Variants in FCER1A observed in about 807,000 individuals in gnomAD.
FCER1A encodes the protein Fc epsilon receptor Ia, also known as high affinity immunoglobulin epsilon receptor subunit alpha.
In FCER1A, 24 loss-of-function variants were observed where a neutral mutation model predicts 23.6. That is an observed-to-expected ratio of 1.02 (90% CI 0.74 to 1.43). FCER1A has a LOEUF of 1.43. Ranked by LOEUF, FCER1A falls within the 40% of genes most tolerant of loss-of-function variation. FCER1A has a pLI of 0.00. For synonymous variants in FCER1A, 121 were observed against 108.8 expected, an observed-to-expected ratio of 1.11 and a Z score of -0.70; for missense variants, 318 against 294.5, an observed-to-expected ratio of 1.08 and a Z score of -0.58.
At chr1:159,302,272 C>A (rs539540020), upstream of FCER1A, 41 of 890,260 alleles carry the variant, frequency 4.6e-5, no homozygotes, top group East Asian at 9.2e-4. Context: ...AGATATGATA[C>A]AGAAAACATT....
upstream of FCER1A, among the ~76,000 whole-genome samples, chr1:159,297,548 G>C (rs542644147): frequency 2.0e-5 from 3 of 152,268 alleles, no homozygotes; most frequent in East Asian, 1.9e-4. Flanking sequence ...CCTTAAGGTA[G>C]GTACTATTAC....
chr1:159,287,834 G>A (rs1330961295), upstream of FCER1A, among the ~76,000 whole-genome samples: 3 of 150,614 alleles, frequency 2.0e-5, no homozygotes, highest in Non-Finnish European at 3.0e-5. Context: ...AGGAAGGAAA[G>A]GATGATTTAT....
At chr1:159,289,408 A>G (rs140805442), upstream of FCER1A, among the ~76,000 whole-genome samples, 21 of 152,354 alleles carry the variant, frequency 1.4e-4, no homozygotes, top group African/African-American at 4.8e-4. Flanking sequence ...TTGGGCCTGC[A>G]GAGGACCTTA....
chr1:159,291,476 G>T (rs977958221), intron 1 of FCER1A, among the ~76,000 whole-genome samples: 1 of 152,026 alleles, frequency 6.6e-6, no homozygotes, highest in Admixed American at 6.6e-5. Flanking sequence ...TTTGCAGAAT[G>T]CAAAACAATT....
At chr1:159,286,534 A>T (rs369129125), upstream of FCER1A, among the ~76,000 whole-genome samples, 8 of 152,116 alleles carry the variant, frequency 5.3e-5, no homozygotes, top group Middle Eastern at 3.4e-3. Context: ...GGGTTTCACC[A>T]TGTTAGCCAG....
At chr1:159,300,690 A>G (rs1652408788), upstream of FCER1A, among the ~76,000 whole-genome samples, 2 of 152,200 alleles carry the variant, frequency 1.3e-5, no homozygotes, top group South Asian at 2.1e-4. Flanking sequence ...TATTTCTCCT[A>G]TAAGTCTTTA....
upstream of FCER1A, among the ~76,000 whole-genome samples, chr1:159,300,805 CAT>C: frequency 6.6e-6 from 1 of 152,268 alleles, no homozygotes. Flanking sequence ...TATTAAATCT[CAT>C]AATATAACCA....
chr1:159,290,110 C>T (rs571413978), intron 1 of FCER1A, among the ~76,000 whole-genome samples: 6 of 152,280 alleles, frequency 3.9e-5, no homozygotes, highest in Non-Finnish European at 8.8e-5. Context: ...TGCATCTGCA[C>T]AGCAAAAAGA....
At chr1:159,295,236 C>A (rs1456399231) in intron 1 of FCER1A, among the ~76,000 whole-genome samples, 1 of 152,108 alleles carries the variant, frequency 6.6e-6, no homozygotes, top group South Asian at 2.1e-4. Flanking sequence ...CTGTGTTTGG[C>A]AGCCTATTCT....
intron 1 of FCER1A, among the ~76,000 whole-genome samples, chr1:159,291,435 T>C (rs1230103135): frequency 2.0e-5 from 3 of 152,200 alleles, no homozygotes; most frequent in Non-Finnish European, 4.4e-5. Context: ...AGTCTTTTTT[T>C]CCTCTCAAAG....
At chr1:159,288,803 C>T (rs1652079702), upstream of FCER1A, among the ~76,000 whole-genome samples, 1 of 152,130 alleles carries the variant, frequency 6.6e-6, no homozygotes, top group South Asian at 2.1e-4. Context: ...TTTCCTTGGT[C>T]CTGTATCTTC....
chr1:159,305,851 C>A, intron 3 of FCER1A, 137 bp from the exon 4 acceptor site: 1 of 740,200 alleles, frequency 1.4e-6, no homozygotes, highest in Non-Finnish European at 2.2e-6. Context: ...CTTTAAAAAT[C>A]CACTTTATGA....
At chr1:159,293,227 T>C (rs1029841169) in intron 1 of FCER1A, among the ~76,000 whole-genome samples, 13 of 150,456 alleles carry the variant, frequency 8.6e-5, no homozygotes, top group South Asian at 2.1e-4. Flanking sequence ...CTTCACACAG[T>C]CCGGTGGCTC....
At chr1:159,290,894 C>T (rs367882087) in intron 1 of FCER1A, among the ~76,000 whole-genome samples, 46 of 152,286 alleles carry the variant, frequency 3.0e-4, no homozygotes, top group African/African-American at 1.0e-3. Flanking sequence ...TTGTATTCTA[C>T]GCAGTATTCC....
intron 3 of FCER1A, among the ~76,000 whole-genome samples, 183 bp downstream of exon 3, chr1:159,304,365 G>C (rs2102231557): frequency 6.6e-6 from 1 of 152,234 alleles, no homozygotes; most frequent in Admixed American, 6.5e-5. Context: ...ACTTTGGGAG[G>C]CTGAGGCAGG....
chr1:159,299,807 A>C (rs1652384410), upstream of FCER1A, among the ~76,000 whole-genome samples: 1 of 152,030 alleles, frequency 6.6e-6, no homozygotes, highest in Non-Finnish European at 1.5e-5. Context: ...GTGGCATTCA[A>C]CTGTGTATCA....
chr1:159,294,925 A>T (rs560723284), intron 1 of FCER1A, among the ~76,000 whole-genome samples: 18 of 152,316 alleles, frequency 1.2e-4, no homozygotes, highest in African/African-American at 4.3e-4. Context: ...TAGAAAATAT[A>T]ATTAGCCAAA....
chr1:159,307,872 A>C lies in FCER1A; in HGVS notation c.714A>C (p.Arg238Ser). The change falls in exon 5 of 5, where the codon AGA becomes AGC. Residue 238 changes from arginine (R) to serine (S), a missense_variant. Coordinates refer to ENST00000693622, the MANE Select transcript of FCER1A (RefSeq NM_001387280.1). ...TCACATTTCTCTTGAAGATTAAGAGAACCAGGAAAGGCTTCAGACTTCTGA... is the reference window on the plus strand; with the variant it reads ...TCACATTTCTCTTGAAGATTAAGAGCACCAGGAAAGGCTTCAGACTTCTGA... ...QQVTFLLKIK[R>S]TRKGFRLLNP... is the part of the protein sequence containing the mutation. The C allele has an allele frequency of 6.2e-7, 1 of 1,613,676 alleles. No individual in the cohort carries two copies. Among genetic ancestry groups the C allele is most frequent in the Non-Finnish European group, 8.5e-7 (1 of 1,179,666 alleles).
At chr1:159,293,959 C>T (rs1177149375) in intron 1 of FCER1A, among the ~76,000 whole-genome samples, 7 of 151,794 alleles carry the variant, frequency 4.6e-5, no homozygotes, top group Non-Finnish European at 1.0e-4. Context: ...CCAAAAAACA[C>T]ATGAAAAAAT....
Sources: gnomAD v4.1 joint callset for allele counts (sites outside exome capture counted in the v4.1 genomes callset) on GRCh38, gnomAD v4.1.1 for gene constraint, MANE v1.5 for transcripts, NCBI Gene and HGNC (gene_info 2026-07-23, HGNC 2026-07-21) for gene names.